The following PDLIM3 variants were observed in gnomAD, a reference collection of about 807,000 sequenced individuals.
The protein encoded by PDLIM3 is PDZ and LIM domain 3.
A neutral mutation model predicts 37.3 loss-of-function variants in PDLIM3; 36 were observed. That is an observed-to-expected ratio of 0.97 (90% confidence interval 0.74 to 1.28). The LOEUF (loss-of-function observed/expected upper bound fraction) is 1.28, where lower values mean the gene tolerates loss of function less well. PDLIM3 is among the 50% of genes most tolerant of loss of function. The pLI, the probability that PDLIM3 is intolerant of heterozygous loss-of-function variation, is 0.00. For missense variants in PDLIM3, 454 were observed against 485.0 expected, an observed-to-expected ratio of 0.94 and a Z score of 0.60; for synonymous variants, 174 against 182.4, an observed-to-expected ratio of 0.95 and a Z score of 0.37.
chr4:185,525,249 G>T, intron 1 of PDLIM3, 78 bp from the exon 2 acceptor site: 1 of 1,387,696 alleles, frequency 7.2e-7, no homozygotes, highest in Non-Finnish European at 1.0e-6. Context: ...TTGTGTTTCA[G>T]CCTGGTAACA....
intron 4 of PDLIM3, chr4:185,512,542 A>G: frequency 5.0e-6 from 2 of 398,328 alleles, no homozygotes; most frequent in Non-Finnish European, 6.8e-6. Context: ...TTTAAGTTAA[A>G]ATGAAAAATT....
chr4:185,534,287 GATCA>G (rs1342185630), intron 1 of PDLIM3, among the ~76,000 whole-genome samples: 1 of 152,126 alleles, frequency 6.6e-6, no homozygotes, highest in Admixed American at 6.5e-5. Flanking sequence ...TGTATGAGCA[GATCA>G]ATCAGATTAT....
At chr4:185,534,348 A>G (rs1043939930) in intron 1 of PDLIM3, among the ~76,000 whole-genome samples, 1 of 152,254 alleles carries the variant, frequency 6.6e-6, no homozygotes, top group African/African-American at 2.4e-5. Flanking sequence ...ACAAGAAAAT[A>G]AAGTATAATA....
At chr4:185,509,285 A>T (rs2095702925) in intron 4 of PDLIM3, among the ~76,000 whole-genome samples, 1 of 152,210 alleles carries the variant, frequency 6.6e-6, no homozygotes, top group East Asian at 1.9e-4. Flanking sequence ...AAAACCAATA[A>T]ATGCTTATCA....
At chr4:185,512,997 A>T in intron 4 of PDLIM3, 1 of 985,404 alleles carries the variant, frequency 1.0e-6, no homozygotes, top group Non-Finnish European at 1.2e-6. Flanking sequence ...TGCTTGGGAA[A>T]TGTTGTGCAC....
chr4:185,529,552 G>T (rs534563628), intron 1 of PDLIM3, among the ~76,000 whole-genome samples: 2 of 152,202 alleles, frequency 1.3e-5, no homozygotes, highest in East Asian at 1.9e-4. Context: ...TAGACTCCGC[G>T]TGCCTCCTTG....
At chr4:185,533,262 C>T (rs2153340077) in intron 1 of PDLIM3, among the ~76,000 whole-genome samples, 1 of 152,246 alleles carries the variant, frequency 6.6e-6, no homozygotes, top group South Asian at 2.1e-4. Flanking sequence ...ATGTTAAAAG[C>T]AGTACAACAA....
rs758667413 is a variant in PDLIM3 at position 185,535,344 on chromosome 4, T to C, written c.91A>G (p.Arg31Gly). 1.7e-5 allele frequency: 28 copies of C among 1,607,190 alleles called. No individual in the cohort carries two copies. The highest frequency in any genetic ancestry group is 2.7e-5 in the African/African-American group (2 of 74,148). Residue 31 changes from arginine to glycine, a missense_variant and splice_region_variant, in exon 1 of 8, where the codon AGG becomes GGG. Coordinates refer to ENST00000284767, the MANE Select transcript of PDLIM3 (RefSeq NM_014476.6). Reference sequence around the variant, plus strand: ...AAAGCAAGAATGCCGACACCTACCCTGGTGATGACCAAAGGCTGGTTGAAG... The same window carrying C: ...AAAGCAAGAATGCCGACACCTACCCCGGTGATGACCAAAGGCTGGTTGAAG... ...IDFNQPLVIT[R>G]ITPGSKAAAA...
At chr4:185,512,881 G>A (rs1014855755) in intron 4 of PDLIM3, 1 of 985,400 alleles carries the variant, frequency 1.0e-6, no homozygotes, top group Non-Finnish European at 1.2e-6. Context: ...CGGAAAAGAT[G>A]CAGATGAGAA....
intron 5 of PDLIM3, 84 bp from the exon 6 acceptor site, chr4:185,506,736 CA>C (rs1434805291): frequency 7.5e-7 from 1 of 1,329,962 alleles, no homozygotes; most frequent in African/African-American, 1.4e-5. Flanking sequence ...AATACTCAGC[CA>C]TTACTCTATG....
rs2095693154 is a variant in PDLIM3, at chr4:185,504,476, C to T, written c.904G>A (p.Val302Ile). 3.1e-6 allele frequency: 5 copies of T among 1,609,590 alleles called. No individual in the cohort carries two copies. The highest frequency in any genetic ancestry group is 4.3e-6 in the Non-Finnish European group (5 of 1,175,842). Residue 302 changes from valine to isoleucine, a missense_variant and splice_region_variant, in exon 7 of 8, where the codon GTC (valine) becomes ATC (isoleucine). By Grantham distance (29) the Val-to-Ile change is conservative. Coordinates refer to ENST00000284767, the MANE Select transcript of PDLIM3 (RefSeq NM_014476.6). This position sits in a 1 kb window ranked among gnomAD's most constrained non-coding sequence, Gnocchi z 4.7. ...TCCAGGGTTAAAAGTGAAACTTACA[C>T]TATGCCACTCCCACATTTGTCACAG... is the stretch of plus-strand genomic sequence containing the variant. ...PLCDKCGSGIVGAVVKARDKY... is the reference protein window; with the variant it reads ...PLCDKCGSGIIGAVVKARDKY...
chr4:185,534,472 GA>G (rs958454093), intron 1 of PDLIM3, among the ~76,000 whole-genome samples: 81 of 152,240 alleles, frequency 5.3e-4, no homozygotes, highest in Middle Eastern at 3.4e-3. Flanking sequence ...CATTGTGTTA[GA>G]AAAAAACCAG....
At position 185,522,680 on chromosome 4, in the gene PDLIM3, A is replaced by C. The variant is rs544036299; in HGVS notation, c.330+682T>G. 4.5e-4 allele frequency among the ~76,000 whole-genome samples: 30 copies of C among 66,956 alleles called. 7 individuals carry two copies. The highest frequency in any genetic ancestry group is 7.6e-4 in the African/African-American group (28 of 36,800). The allele number at this position is 66,956 out of a possible 152,430, so 43.9% of individuals were successfully genotyped here. A position where few individuals can be genotyped will look rare whatever the true frequency, so the allele number is the denominator to read the frequency against. On this transcript the variant is annotated intron_variant, in intron 3 of 7. Coordinates refer to ENST00000284767, the MANE Select transcript of PDLIM3 (RefSeq NM_014476.6). ...AGGTCATAAAATGCTTTTCTTAATTAGATTTATGAGTACATCACAATCAAG... is the reference window on the plus strand; with the variant it reads ...AGGTCATAAAATGCTTTTCTTAATTCGATTTATGAGTACATCACAATCAAG...
intron 4 of PDLIM3, chr4:185,513,349 GGGATGAC>G: frequency 1.0e-6 from 1 of 985,162 alleles, no homozygotes; most frequent in South Asian, 4.7e-5. Context: ...TCATACATAA[GGGATGAC>G]CTGCTATCCG....
In PDLIM3 at chr4:185,502,242, C is replaced by G. The variant is rs755536797; in HGVS notation, c.*52G>C. 3 of 1,558,664 alleles carry G rather than the reference C, an allele frequency of 1.9e-6. No homozygotes were observed. Among genetic ancestry groups the G allele is most frequent in the Non-Finnish European group, 2.7e-6 (3 of 1,130,214 alleles). ...CTGCCCAAAGCCATGAATGTCTTCT[C>G]GTGTAAGTGCGCGTGGGTGGGTGCG... is the stretch of plus-strand genomic sequence containing the variant. On this transcript the variant is annotated 3_prime_UTR_variant, in exon 8 of 8. Coordinates refer to ENST00000284767, the MANE Select transcript of PDLIM3 (RefSeq NM_014476.6).
intron 6 of PDLIM3, among the ~76,000 whole-genome samples, chr4:185,505,928 G>T (rs2095696105): frequency 6.6e-6 from 1 of 152,194 alleles, no homozygotes; most frequent in Non-Finnish European, 1.5e-5. Flanking sequence ...GCATGGAGAA[G>T]CCTAGGTCAG....
chr4:185,503,905 G>A (rs1219159290), intron 7 of PDLIM3, among the ~76,000 whole-genome samples: 2 of 152,170 alleles, frequency 1.3e-5, no homozygotes, highest in South Asian at 2.1e-4. Flanking sequence ...CCAAGATTGC[G>A]CCACTGCACT....
chr4:185,503,582 G>T (rs1018318033), intron 7 of PDLIM3, among the ~76,000 whole-genome samples: 1 of 152,234 alleles, frequency 6.6e-6, no homozygotes. Flanking sequence ...TGGCCACATG[G>T]CACGAATGCC....
At chr4:185,530,393 CACTA>C (rs1320556282) in intron 1 of PDLIM3, among the ~76,000 whole-genome samples, 2 of 152,286 alleles carry the variant, frequency 1.3e-5, no homozygotes, top group African/African-American at 4.8e-5. Context: ...ATTAGGAACA[CACTA>C]ACTTTTTCTA....
Sources: gnomAD v4.1 joint callset for allele counts (sites outside exome capture counted in the v4.1 genomes callset) on GRCh38, gnomAD v4.1.1 for gene constraint, Gnocchi (gnomAD v3.1) non-coding constraint, MANE v1.5 for transcripts, NCBI Gene and HGNC (gene_info 2026-07-23, HGNC 2026-07-21) for gene names.